The following LARGE1 variants were observed in gnomAD, a reference collection of about 807,000 sequenced individuals.
The protein encoded by LARGE1 is LARGE xylosyl- and glucuronyltransferase 1.
Under a neutral mutation model 87.6 loss-of-function variants are expected in LARGE1, and 43 were observed. That is an observed-to-expected ratio of 0.49 (90% CI 0.38 to 0.63). The LOEUF is 0.63. LARGE1 is among the 30% of genes least tolerant of loss of function. The pLI, the probability that LARGE1 is intolerant of heterozygous loss-of-function variation, is 0.00. For synonymous variants in LARGE1, 434 were observed against 394.6 expected (o/e 1.10, Z -1.18); for missense variants, 802 against 1,000.2 (o/e 0.80, Z 2.67).
At chr22:33,576,983 C>A (rs1247600071) in intron 5 of LARGE1, among the ~76,000 whole-genome samples, 1 of 152,032 alleles carries the variant, frequency 6.6e-6, no homozygotes, top group East Asian at 1.9e-4. Context: ...GAATACAGAA[C>A]CCACAGATAT....
At chr22:33,252,565 AGTTAGGAATTGTTCCCTTT>A (rs1253713737) in intron 11 of LARGE1, among the ~76,000 whole-genome samples, 5 of 152,170 alleles carry the variant, frequency 3.3e-5, no homozygotes, top group Admixed American at 1.3e-4. Context: ...TACCATTTAT[AGTTAGGAATTGTTCCCTTT>A]GGCAGTAAAG....
chr22:33,335,442 C>G (rs1938326348), intron 10 of LARGE1, among the ~76,000 whole-genome samples: 1 of 152,170 alleles, frequency 6.6e-6, no homozygotes. Flanking sequence ...CGCACTGTGA[C>G]CAGGGTCATC....
exon 12 of LARGE1, chr22:33,166,667 T>G: frequency 2.2e-6 from 1 of 453,212 alleles, no homozygotes; most frequent in Non-Finnish European, 4.6e-6. Flanking sequence ...CGTACCACTT[T>G]GGCTTCAACG....
intron 1 of LARGE1, among the ~76,000 whole-genome samples, chr22:33,899,794 C>A (rs1365001121): frequency 6.6e-6 from 1 of 152,206 alleles, no homozygotes; most frequent in Non-Finnish European, 1.5e-5. Flanking sequence ...ACATGAAAAT[C>A]TATTTAACAA....
intron 6 of LARGE1, among the ~76,000 whole-genome samples, chr22:33,494,427 T>C (rs902725684): frequency 3.9e-5 from 6 of 152,350 alleles, no homozygotes; most frequent in Admixed American, 1.3e-4. Flanking sequence ...AAGATTAATG[T>C]ATGTGGAAGT....
intron 1 of LARGE1, among the ~76,000 whole-genome samples, chr22:33,828,590 C>T (rs776505610): frequency 2.6e-5 from 4 of 152,148 alleles, no homozygotes; most frequent in Non-Finnish European, 4.4e-5. Context: ...GAGAAGTAAG[C>T]GACGTTGAGA....
the LARGE1 span, among the ~76,000 whole-genome samples, chr22:33,100,464 G>A: frequency 1.3e-5 from 2 of 151,914 alleles, no homozygotes; most frequent in Non-Finnish European, 2.9e-5. Context: ...TGGCCCAAGA[G>A]TGTAGCCACA....
intron 2 of LARGE1, among the ~76,000 whole-genome samples, chr22:33,655,572 C>T (rs1481313553): frequency 2.0e-5 from 3 of 152,124 alleles, no homozygotes; most frequent in African/African-American, 7.2e-5. Context: ...AAGCCAATTC[C>T]TTACAATAAA....
At chr22:33,409,860 C>CAA (rs35645500) in intron 7 of LARGE1, among the ~76,000 whole-genome samples, 53 of 63,034 alleles carry the variant, frequency 8.4e-4, no homozygotes, top group East Asian at 1.9e-3. Context: ...GACTCCATCT[C>CAA]AAAAAAAAAA....
At chr22:33,823,378 C>CCTGT (rs2062694198) in intron 1 of LARGE1, among the ~76,000 whole-genome samples, 1 of 152,208 alleles carries the variant, frequency 6.6e-6, no homozygotes, top group African/African-American at 2.4e-5. Context: ...ATGTTTTCAT[C>CCTGT]CTGTCTTCCC....
At chr22:33,919,133 T>A (rs1343509484) in intron 1 of LARGE1, among the ~76,000 whole-genome samples, 1 of 148,886 alleles carries the variant, frequency 6.7e-6, no homozygotes, top group African/African-American at 2.5e-5. Flanking sequence ...TCCAACCCCA[T>A]TAAACAGGGT....
intron 10 of LARGE1, among the ~76,000 whole-genome samples, chr22:33,331,386 T>TCC (rs1555897516): frequency 8.3e-4 from 126 of 151,308 alleles, no homozygotes; most frequent in African/African-American, 3.1e-3. Flanking sequence ...TTTTCTTTCT[T>TCC]TCTCTCTCTC....
At chr22:33,389,469 G>C (rs2065439151) in intron 7 of LARGE1, among the ~76,000 whole-genome samples, 1 of 152,218 alleles carries the variant, frequency 6.6e-6, no homozygotes, top group African/African-American at 2.4e-5. Flanking sequence ...GTGACACAGT[G>C]GTTGGGAAGT....
At chr22:33,439,720 C>G (rs545256588) in intron 6 of LARGE1, among the ~76,000 whole-genome samples, 1 of 152,298 alleles carries the variant, frequency 6.6e-6, no homozygotes, top group African/African-American at 2.4e-5. Flanking sequence ...TATCAGCCCA[C>G]CATCTTCTTA....
chr22:33,464,931 G>GTACACA (rs2068543146), intron 6 of LARGE1, among the ~76,000 whole-genome samples: 1 of 149,936 alleles, frequency 6.7e-6, no homozygotes, highest in South Asian at 2.1e-4. Context: ...ATACATGCAC[G>GTACACA]TACACATACA....
intron 1 of LARGE1, among the ~76,000 whole-genome samples, chr22:33,887,895 AG>A (rs920167909): frequency 1.9e-4 from 29 of 152,358 alleles, no homozygotes; most frequent in Admixed American, 9.8e-4. Flanking sequence ...CGCCAATACA[AG>A]TTTCAGTGAA....
intron 1 of LARGE1, among the ~76,000 whole-genome samples, chr22:33,786,294 G>A (rs2085639240): frequency 6.6e-6 from 1 of 152,044 alleles, no homozygotes; most frequent in South Asian, 2.1e-4. Context: ...CATATTAATT[G>A]GAAAAAAGCA....
chr22:33,448,881 T>C (rs1178771136), intron 6 of LARGE1, among the ~76,000 whole-genome samples: 2 of 152,208 alleles, frequency 1.3e-5, no homozygotes, highest in African/African-American at 4.8e-5. Flanking sequence ...TGAAGTCTTC[T>C]TGTGCTCTTT....
intron 5 of LARGE1, among the ~76,000 whole-genome samples, chr22:33,571,026 C>A (rs78341839): frequency 6.6e-6 from 1 of 152,218 alleles, no homozygotes; most frequent in African/African-American, 2.4e-5. Context: ...ACTATCAACA[C>A]GCCAAAGGGT....
Sources: gnomAD v4.1 joint callset for allele counts (sites outside exome capture counted in the v4.1 genomes callset) on GRCh38, gnomAD v4.1.1 for gene constraint, MANE v1.5 for transcripts, NCBI Gene and HGNC (gene_info 2026-07-23, HGNC 2026-07-21) for gene names.